The following AGFG1 variants were observed in gnomAD, a reference collection of about 807,000 sequenced individuals.
AGFG1 encodes the protein arf-GAP domain and FG repeat-containing protein 1.
A neutral mutation model predicts 60.6 loss-of-function variants in AGFG1; 10 were observed. The observed-to-expected ratio is 0.16, with a 90% CI of 0.10 to 0.28. AGFG1 has a LOEUF of 0.28. AGFG1 is among the 10% of genes least tolerant of loss of function. AGFG1 has a pLI of 1.00. For synonymous variants in AGFG1, 247 were observed against 242.9 expected (o/e 1.02, Z -0.16); for missense variants, 537 against 676.5 (o/e 0.79, Z 2.29).
intron 10 of AGFG1, among the ~76,000 whole-genome samples, chr2:227,541,818 C>G (rs1692500684): frequency 6.6e-6 from 1 of 152,150 alleles, no homozygotes; most frequent in Admixed American, 6.5e-5. Context: ...TTGATTCTTC[C>G]TATCCATGAG....
chr2:227,516,852 A>T (rs1005143285), intron 2 of AGFG1, among the ~76,000 whole-genome samples: 2 of 152,134 alleles, frequency 1.3e-5, no homozygotes, highest in African/African-American at 4.8e-5. Context: ...CAATAGTTTC[A>T]TGGCTTTGGG....
Position 227,553,609 on chromosome 2 carries a change from G to T in AGFG1, c.1538-95G>T, listed in dbSNP as rs1205643881. On this transcript the variant is annotated intron_variant, in intron 11 of 12. Transcript: ENST00000310078. ...TTTAACATTTTATTTTTGCTGCTCT[G>T]GTAGGAATGTCTCTGAAAGTTATTA... 4 of 1,002,976 alleles carry T rather than the reference G, an allele frequency of 4.0e-6. No individual in the cohort carries two copies. The African/African-American group carries it at 6.5e-5, about 16-fold the overall frequency. The allele number at this position is 1,002,976 out of a possible 1,614,324, so 62.1% of individuals were successfully genotyped here. A position where few individuals can be genotyped will look rare whatever the true frequency, so the allele number is the denominator to read the frequency against.
intron 2 of AGFG1, among the ~76,000 whole-genome samples, chr2:227,497,839 G>C (rs1181405892): frequency 6.6e-5 from 9 of 136,932 alleles, no homozygotes; most frequent in Non-Finnish European, 1.5e-5. Flanking sequence ...CCACCTCCCA[G>C]ATTCAAGTGA....
chr2:227,521,041 TTAC>T (rs1304826844), intron 3 of AGFG1, among the ~76,000 whole-genome samples: 2 of 150,512 alleles, frequency 1.3e-5, no homozygotes, highest in East Asian at 3.9e-4. Flanking sequence ...ATTTGTATTC[TTAC>T]TACTTTCCAA....
At chr2:227,507,544 A>G (rs1691357560) in intron 2 of AGFG1, among the ~76,000 whole-genome samples, 1 of 131,534 alleles carries the variant, frequency 7.6e-6, no homozygotes. Flanking sequence ...CGGAGCTTGC[A>G]GTGAGCCGAG....
intron 2 of AGFG1, among the ~76,000 whole-genome samples, chr2:227,515,391 A>G (rs555619544): frequency 6.6e-6 from 1 of 152,128 alleles, no homozygotes; most frequent in Non-Finnish European, 1.5e-5. Flanking sequence ...CCCAGATTTC[A>G]GTTTCAAGCA....
chr2:227,485,491 C>A (rs544254529), intron 1 of AGFG1, among the ~76,000 whole-genome samples: 20 of 151,738 alleles, frequency 1.3e-4, no homozygotes, highest in African/African-American at 4.6e-4. Context: ...CTGCCTCAGC[C>A]TCCCAAAGTA....
chr2:227,518,818 A>G (rs1001423924), intron 2 of AGFG1, among the ~76,000 whole-genome samples: 5 of 152,052 alleles, frequency 3.3e-5, no homozygotes, highest in East Asian at 1.9e-4. Flanking sequence ...ATGCATGACT[A>G]ATGATAGTGG....
chr2:227,537,002 A>G lies in AGFG1; in HGVS notation c.1378+9A>G, dbSNP rs1692334198. ...TGCCAGAGGAGCAACAGGTAAGAAA[A>G]AGAGACAGTGGAACAGTAAGTTTTG... On this transcript the variant is annotated intron_variant, in intron 10 of 12. Transcript: ENST00000310078. 6.2e-7 allele frequency: 1 copy of G among 1,609,178 alleles called. No individual in the cohort carries two copies. The highest frequency in any genetic ancestry group is 1.3e-5 in the African/African-American group (1 of 74,744).
intron 10 of AGFG1, 34 bp downstream of exon 10, chr2:227,537,027 G>A (rs1188128416): frequency 6.4e-7 from 1 of 1,570,458 alleles, no homozygotes; most frequent in Non-Finnish European, 8.7e-7. Flanking sequence ...AGTAAGTTTT[G>A]GGGAAGACAT....
intron 10 of AGFG1, among the ~76,000 whole-genome samples, chr2:227,543,006 C>A (rs921274394): frequency 5.3e-5 from 8 of 151,992 alleles, no homozygotes; most frequent in Non-Finnish European, 8.8e-5. Flanking sequence ...GGTGATACCC[C>A]CTTTATCATT....
rs1356823527 is a variant in AGFG1 at position 227,556,258 on chromosome 2, AGTT to A, written c.*1767_*1769del. 1.3e-5 allele frequency: 2 copies of A among 152,378 alleles called. No individual in the cohort carries two copies. Among genetic ancestry groups the A allele is most frequent in the African/African-American group, 2.4e-5 (1 of 41,594 alleles). The allele number at this position is 152,378 out of a possible 1,614,324, so 9.4% of individuals were successfully genotyped here. A position where few individuals can be genotyped will look rare whatever the true frequency, so the allele number is the denominator to read the frequency against. On this transcript the variant is annotated 3_prime_UTR_variant, in exon 13 of 13. Coordinates refer to ENST00000310078, the MANE Select transcript of AGFG1 (RefSeq NM_004504.5). ...GAATGCCTTTTTGCAATGATGACTGAGTTGTTATCATAGTATTTTAAAACCTGT... is the reference window on the plus strand; with the variant it reads ...GAATGCCTTTTTGCAATGATGACTGAGTTATCATAGTATTTTAAAACCTGT...
At chr2:227,525,821 G>A (rs1575098005) in intron 5 of AGFG1, among the ~76,000 whole-genome samples, 1 of 152,174 alleles carries the variant, frequency 6.6e-6, no homozygotes, top group East Asian at 1.9e-4. Flanking sequence ...GGATTTAAGA[G>A]GCATGTAATT....
intron 5 of AGFG1, 92 bp downstream of exon 5, chr2:227,525,007 A>AT: frequency 2.1e-6 from 3 of 1,460,984 alleles, no homozygotes; most frequent in South Asian, 1.2e-5. Flanking sequence ...ATCAGTAAAC[A>AT]TTTTTTGTTG....
intron 2 of AGFG1, among the ~76,000 whole-genome samples, chr2:227,516,467 G>T (rs944376336): frequency 6.6e-6 from 1 of 152,170 alleles, no homozygotes; most frequent in African/African-American, 2.4e-5. Context: ...AATTAGAGCC[G>T]ATTAATAACT....
chr2:227,523,170 A>G (rs1691873512), intron 3 of AGFG1, among the ~76,000 whole-genome samples: 2 of 152,200 alleles, frequency 1.3e-5, no homozygotes. Flanking sequence ...AAAAAATTGT[A>G]AAGTTCACAC....
intron 5 of AGFG1, among the ~76,000 whole-genome samples, chr2:227,525,707 C>T (rs1691972548): frequency 2.0e-5 from 3 of 152,138 alleles, no homozygotes; most frequent in Admixed American, 2.0e-4. Flanking sequence ...TAACAAGTTC[C>T]TATGTTCTAT....
chr2:227,485,948 G>C (rs1022899029), intron 1 of AGFG1, among the ~76,000 whole-genome samples: 1 of 152,184 alleles, frequency 6.6e-6, no homozygotes, highest in South Asian at 2.1e-4. Flanking sequence ...ATTTTTGTGC[G>C]ATAATTTTTA....
chr2:227,545,904 C>G (rs749106330), intron 10 of AGFG1, among the ~76,000 whole-genome samples: 1 of 152,212 alleles, frequency 6.6e-6, no homozygotes, highest in Admixed American at 6.5e-5. Flanking sequence ...TCGGCCCCTA[C>G]TGGGAGGTGT....
Sources: allele counts gnomAD v4.1 joint callset (sites outside exome capture counted in the v4.1 genomes callset), GRCh38; gene constraint gnomAD v4.1.1; transcripts MANE v1.5; gene names NCBI Gene and HGNC (gene_info 2026-07-23, HGNC 2026-07-21).